Variants in ZNF783 observed in about 807,000 individuals in gnomAD.
The protein encoded by ZNF783 is zinc finger protein 783, also known as protein ZNF783.
In ZNF783, 25 loss-of-function variants were observed where a neutral mutation model predicts 31.3. The ratio of observed to expected loss-of-function variants is 0.80; its 90% confidence interval spans 0.58 to 1.11. ZNF783 has a LOEUF of 1.11. Ranked by LOEUF, ZNF783 falls within the 50% of genes most tolerant of loss-of-function variation. The pLI, the probability that ZNF783 is intolerant of heterozygous loss-of-function variation, is 0.00. For synonymous variants in ZNF783, 369 were observed against 319.1 expected (o/e 1.16, Z -1.66); for missense variants, 797 against 760.0 (o/e 1.05, Z -0.57).
At chr7:149,267,259 A>G (rs1158439422) in intron 4 of ZNF783, 37 bp downstream of exon 4, 2 of 1,550,726 alleles carry the variant, frequency 1.3e-6, no homozygotes, top group African/African-American at 1.4e-5. Context: ...GGGGGCCGCC[A>G]GGGGCTAGCT....
At chr7:149,270,195 A>G (rs1797178190) in intron 4 of ZNF783, among the ~76,000 whole-genome samples, 1 of 152,226 alleles carries the variant, frequency 6.6e-6, no homozygotes, top group Non-Finnish European at 1.5e-5. Context: ...CAGTAATGGG[A>G]TGGCTTACCC....
Position 149,266,519 on chromosome 7 carries a change from G to A in ZNF783, c.209G>A (p.Arg70His), listed in dbSNP as rs199642262. The part of the protein sequence containing the change: ...CLTRLLTLEG[R>H]TGTAEKKLAD... ...ACCCGCTTGCTGACTCTGGAGGGGCGCACGGGGACAGCCGAGAAGAAGCTG... is the reference window on the plus strand; with the variant it reads ...ACCCGCTTGCTGACTCTGGAGGGGCACACGGGGACAGCCGAGAAGAAGCTG... Residue 70 changes from arginine (R) to histidine (H), a missense_variant, in exon 2 of 6, where the codon CGC (arginine) becomes CAC (histidine). Physicochemically the swap from Arg to His is conservative, Grantham distance 29. Transcript: ENST00000434415. The A allele has an allele frequency of 1.5e-4, 238 of 1,613,938 alleles. 1 individual carries two copies. Among genetic ancestry groups the A allele is most frequent in the Middle Eastern group, 1.6e-4 (1 of 6,084 alleles).
intron 4 of ZNF783, among the ~76,000 whole-genome samples, chr7:149,271,181 G>T (rs927806272): frequency 1.3e-5 from 2 of 152,186 alleles, no homozygotes; most frequent in Non-Finnish European, 2.9e-5. Context: ...CTCATGATCT[G>T]CCTGCCTCGG....
intron 4 of ZNF783, among the ~76,000 whole-genome samples, chr7:149,274,344 GTTCTTTTTTTTTTCCTT>G (rs1425650703): frequency 6.8e-5 from 10 of 146,852 alleles, no homozygotes; most frequent in Non-Finnish European, 1.2e-4. Flanking sequence ...TCCAATATAT[GTTCTTTTTTTTTTCCTT>G]TTCTTTTTTT....
intron 5 of ZNF783, among the ~76,000 whole-genome samples, chr7:149,281,168 C>T (rs1585621625): frequency 6.6e-6 from 1 of 152,348 alleles, no homozygotes; most frequent in East Asian, 1.9e-4. Context: ...TCCTGCCACC[C>T]TCTCTGCTGT....
chr7:149,283,586 T>C lies in ZNF783; in HGVS notation c.*1243T>C, dbSNP rs1199689355. ...GCCCTTGGTCTGGCTGAGGACCACG[T>C]CCACCCTGGGCCTCCAGGCCTGCTT... On this transcript the variant is annotated 3_prime_UTR_variant, in exon 6 of 6. Transcript: ENST00000434415. 4.6e-5 allele frequency: 7 copies of C among 152,174 alleles called. No individual in the cohort carries two copies. Among genetic ancestry groups the C allele is most frequent in the African/African-American group, 1.7e-4 (7 of 41,424 alleles). 9.4% of individuals were successfully genotyped at this position (152,174 alleles called of 1,614,324 possible). A position where few individuals can be genotyped will look rare whatever the true frequency, so the allele number is the denominator to read the frequency against.
chr7:149,268,633 A>G (rs1440803196), intron 4 of ZNF783, among the ~76,000 whole-genome samples: 2 of 152,088 alleles, frequency 1.3e-5, no homozygotes, highest in South Asian at 2.1e-4. Flanking sequence ...CACAGTGTCT[A>G]TTTTTGCCAG....
At chr7:149,265,922 G>A (rs1177339641) in intron 1 of ZNF783, among the ~76,000 whole-genome samples, 2 of 152,180 alleles carry the variant, frequency 1.3e-5, no homozygotes, top group Non-Finnish European at 2.9e-5. Flanking sequence ...GTTGCACCTG[G>A]GCTGTCCACT....
chr7:149,271,217 C>T (rs1233785570), intron 4 of ZNF783, among the ~76,000 whole-genome samples: 3 of 152,218 alleles, frequency 2.0e-5, no homozygotes, highest in Non-Finnish European at 4.4e-5. Context: ...GGATTACAGG[C>T]GTGAGCCACG....
At chr7:149,264,401 G>C (rs1320047219) in intron 1 of ZNF783, among the ~76,000 whole-genome samples, 1 of 152,142 alleles carries the variant, frequency 6.6e-6, no homozygotes, top group Non-Finnish European at 1.5e-5. Context: ...GGGCCGGGTG[G>C]GTCCTCGGAA....
intron 1 of ZNF783, among the ~76,000 whole-genome samples, chr7:149,265,137 G>A (rs1797034340): frequency 6.6e-6 from 1 of 152,176 alleles, no homozygotes; most frequent in African/African-American, 2.4e-5. Context: ...AATTTTGGAA[G>A]TTAGGACCTG....
rs1008528142 is a variant in ZNF783 at position 149,284,402 on chromosome 7, G to A, written c.*2059G>A. 3 of 152,308 alleles carry A rather than the reference G, an allele frequency of 2.0e-5. No individual in the cohort carries two copies. Among genetic ancestry groups the A allele is most frequent in the African/African-American group, 7.2e-5 (3 of 41,452 alleles). 9.4% of individuals were successfully genotyped at this position (152,308 alleles called of 1,614,324 possible). On this transcript the variant is annotated 3_prime_UTR_variant, in exon 6 of 6. Transcript: ENST00000434415. ...TGACAGTTCAGCCAGGCTCCCTTGG[G>A]TTTGGGAAGAGGCACTGCCCTTCTG...
At position 149,267,768 on chromosome 7, in the gene ZNF783, G is replaced by C. The variant is rs571596377; in HGVS notation, c.673+546G>C. 1.1e-4 allele frequency among the ~76,000 whole-genome samples: 17 copies of C among 152,220 alleles called. 2 individuals are homozygous for C. The highest frequency in any genetic ancestry group is 4.1e-4 in the African/African-American group (17 of 41,540). On this transcript the variant is annotated intron_variant, in intron 4 of 5. Transcript: ENST00000434415. ...GCCGAGATTGCGCCACTGCACTCCAGCCTGGGTGACGGAGCAAGACTTCAT... is the reference window on the plus strand; with the variant it reads ...GCCGAGATTGCGCCACTGCACTCCACCCTGGGTGACGGAGCAAGACTTCAT...
chr7:149,266,798 G>GT, intron 2 of ZNF783, 21 bp from the exon 3 acceptor site: 5 of 1,613,980 alleles, frequency 3.1e-6, no homozygotes, highest in Non-Finnish European at 4.2e-6. Context: ...GGGTGAGTGA[G>GT]TGCGACACTT....
At chr7:149,276,603 G>A (rs1797334764) in intron 4 of ZNF783, 1 of 985,356 alleles carries the variant, frequency 1.0e-6, no homozygotes, top group Admixed American at 6.1e-5. Context: ...TCTTCTGTTA[G>A]AAGAGAACCT....
rs1172699991 is a variant in ZNF783 at position 149,263,458 on chromosome 7, T to TG, written c.24+1104dup. On this transcript the variant is annotated intron_variant, in intron 1 of 5. Coordinates refer to ENST00000434415, the MANE Select transcript of ZNF783 (RefSeq NM_001195220.2). The stretch of plus-strand genomic sequence containing the variant: ...CCTCAGCCTCCCAATCCCAAGTAGC[T>TG]GGGATTACAGGCGCAGGTGCCTGTC... Among the ~76,000 whole-genome samples, 4 of 151,898 alleles carry TG rather than the reference T, an allele frequency of 2.6e-5. 1 individual carries two copies. The highest frequency in any genetic ancestry group is 9.7e-5 in the African/African-American group (4 of 41,346).
At chr7:149,263,041 G>A (rs1464744888) in intron 1 of ZNF783, among the ~76,000 whole-genome samples, 1 of 151,828 alleles carries the variant, frequency 6.6e-6, no homozygotes, top group East Asian at 1.9e-4. Flanking sequence ...GGATTCTCCT[G>A]CCTCAGCCTC....
chr7:149,282,189 G>T lies in ZNF783; in HGVS notation c.1487G>T (p.Cys496Phe). Reference sequence around the variant, plus strand: ...CACACCGGTGAGCGGCCCTACCAGTGCCCCCAGTGTGGCCGGACCTTCAAC... The same window carrying T: ...CACACCGGTGAGCGGCCCTACCAGTTCCCCCAGTGTGGCCGGACCTTCAAC... ...RIHTGERPYQ[C>F]PQCGRTFNRN... is the part of the protein sequence containing the mutation. Residue 496 changes from cysteine (C) to phenylalanine (F), a missense_variant, in exon 6 of 6, where the codon TGC becomes TTC. Coordinates refer to ENST00000434415, the MANE Select transcript of ZNF783 (RefSeq NM_001195220.2). 2 of 1,600,704 alleles carry T rather than the reference G, an allele frequency of 1.2e-6. No homozygotes were observed. Among genetic ancestry groups the T allele is most frequent in the Non-Finnish European group, 1.7e-6 (2 of 1,179,566 alleles).
Position 149,266,610 on chromosome 7 carries a change from G to T in ZNF783, c.300G>T (p.Gly100=), listed in dbSNP as rs1797074872. The T allele has an allele frequency of 5.0e-6, 8 of 1,614,072 alleles. No homozygotes were observed. The highest frequency in any genetic ancestry group is 2.7e-5 in the African/African-American group (2 of 74,928). Reference sequence around the variant, plus strand: ...TGGAGGGCAAGTGGGCCGTGCTGGGGACCTTGCTGCAGGAGTACGGGCTGC... The same window carrying T: ...TGGAGGGCAAGTGGGCCGTGCTGGGTACCTTGCTGCAGGAGTACGGGCTGC... ...NQLEGKWAVL[G]TLLQEYGLLQ... Residue 100 remains glycine, a synonymous_variant, in exon 2 of 6, where the codon GGG becomes GGT. Transcript: ENST00000434415.
Sources: gnomAD v4.1 joint callset for allele counts (sites outside exome capture counted in the v4.1 genomes callset) on GRCh38, gnomAD v4.1.1 for gene constraint, MANE v1.5 for transcripts, NCBI Gene and HGNC (gene_info 2026-07-23, HGNC 2026-07-21) for gene names.